ATP7A: variants seen among roughly 807,000 people sequenced by gnomAD.
ATP7A encodes the protein ATPase copper transporting alpha.
A neutral mutation model predicts 83.5 loss-of-function variants in ATP7A; 7 were observed. The ratio of observed to expected loss-of-function variants is 0.08; its 90% confidence interval spans 0.05 to 0.16. The LOEUF (loss-of-function observed/expected upper bound fraction) is 0.16, where lower values mean the gene tolerates loss of function less well. ATP7A is among the 10% of genes least tolerant of loss of function. ATP7A has a pLI of 1.00. For synonymous variants in ATP7A, 354 were observed against 395.2 expected, an observed-to-expected ratio of 0.90 and a Z score of 1.24; for missense variants, 940 against 1,120.8, an observed-to-expected ratio of 0.84 and a Z score of 2.30.
chrX:77,940,866 C>T (rs2077347582), intron 1 of ATP7A, among the ~76,000 whole-genome samples: 1 of 111,692 alleles, frequency 9.0e-6, no homozygotes, highest in Admixed American at 9.5e-5. Flanking sequence ...ATTGACAAAG[C>T]TTAAAAAGAA....
intron 1 of ATP7A, among the ~76,000 whole-genome samples, chrX:77,920,218 C>CT (rs2077205592): frequency 9.3e-6 from 1 of 107,191 alleles, no homozygotes; most frequent in African/African-American, 3.4e-5. Context: ...TATGAGTACC[C>CT]ATTTTTTTTT....
At position 78,029,454 on chromosome X, in the gene ATP7A, T is replaced by C. The variant is rs974038516; in HGVS notation, c.3111+10T>C. 1 of 1,198,995 alleles carries C rather than the reference T, an allele frequency of 8.3e-7. No individual in the cohort carries two copies. Among genetic ancestry groups the C allele is most frequent in the Non-Finnish European group, 1.1e-6 (1 of 885,708 alleles). ...GGAGATGGCTCATAAGGTAAGACAG[T>C]CCCCAGAACTAAAACCTGTACCACC... On this transcript the variant is annotated intron_variant, in intron 15 of 22. Coordinates refer to ENST00000341514, the MANE Select transcript of ATP7A (RefSeq NM_000052.7).
At chrX:77,933,958 A>T (rs933755596) in intron 1 of ATP7A, among the ~76,000 whole-genome samples, 5 of 112,364 alleles carry the variant, frequency 4.4e-5, no homozygotes, top group Admixed American at 3.8e-4. Flanking sequence ...TTAGCTGTTA[A>T]ACCACAGCAA....
chrX:78,042,815 G>A (rs782220243), intron 20 of ATP7A, 27 bp downstream of exon 20: 7 of 1,192,728 alleles, frequency 5.9e-6, no homozygotes, highest in African/African-American at 1.7e-5. Context: ...GACCTTTGAG[G>A]AGTATGAGAC....
At chrX:78,038,638 C>A (rs1490343929) in intron 17 of ATP7A, among the ~76,000 whole-genome samples, 198 bp from the exon 18 acceptor site, 1 of 111,413 alleles carries the variant, frequency 9.0e-6, no homozygotes, top group Non-Finnish European at 1.9e-5. Flanking sequence ...CAGATGAAGG[C>A]AGCAATGTGT....
At position 78,033,745 on chromosome X, in the gene ATP7A, A is replaced by G; in HGVS notation, c.3435A>G (p.Ala1145=). The part of the protein sequence containing the change: ...WNIEDNNIKN[A]SLVQIDASNE... ...TAGAGGACAATAATATTAAAAATGCATCCCTGGTTCAAATTGATGCCAGTA... is the reference window on the plus strand; with the variant it reads ...TAGAGGACAATAATATTAAAAATGCGTCCCTGGTTCAAATTGATGCCAGTA... The change falls in exon 17 of 23, where the codon GCA becomes GCG. Residue 1145 remains alanine, a synonymous_variant. Coordinates refer to ENST00000341514, the MANE Select transcript of ATP7A (RefSeq NM_000052.7). The G allele has an allele frequency of 1.7e-6, 2 of 1,210,845 alleles. No homozygotes were observed. Among genetic ancestry groups the G allele is most frequent in the South Asian group, 1.8e-5 (1 of 56,959 alleles).
chrX:78,010,186 C>G (rs2077808353), intron 7 of ATP7A, among the ~76,000 whole-genome samples: 1 of 112,309 alleles, frequency 8.9e-6, no homozygotes, highest in Admixed American at 9.5e-5. Context: ...AGCTTCAACC[C>G]TTAATTCCCA....
intron 1 of ATP7A, among the ~76,000 whole-genome samples, chrX:77,942,635 C>T (rs558792893): frequency 8.2e-5 from 9 of 109,948 alleles, no homozygotes; most frequent in African/African-American, 2.6e-4. Flanking sequence ...TTTGTAGAGA[C>T]GAGGGTCTCA....
At chrX:77,993,392 A>G (rs1417905702) in intron 4 of ATP7A, among the ~76,000 whole-genome samples, 1 of 112,111 alleles carries the variant, frequency 8.9e-6, no homozygotes, top group African/African-American at 3.2e-5. Flanking sequence ...CAGACCCAGT[A>G]AATCAAATTC....
chrX:77,973,636 G>GT, intron 2 of ATP7A, among the ~76,000 whole-genome samples: 1 of 111,927 alleles, frequency 8.9e-6, no homozygotes, highest in African/African-American at 3.2e-5. Flanking sequence ...TTTTAGTTGG[G>GT]TTTTTTGTTT....
rs782716555 is a variant in ATP7A at position 77,988,591 on chromosome X, C to T, written c.470C>T (p.Ser157Leu). 6 of 1,209,893 alleles carry T rather than the reference C, an allele frequency of 5.0e-6. No individual in the cohort carries two copies. In the East Asian group the frequency reaches 1.5e-4, roughly 30 times the overall value. Residue 157 changes from serine to leucine, a missense_variant, in exon 3 of 23, where the codon TCA becomes TTA. Around this residue, in one of 3 missense-constraint regions of ATP7A, gnomAD observed 350 missense variants for 432.8 expected, o/e 0.81. Transcript: ENST00000341514. ...SLDTGTLEKK[S>L]GACEDHSMAQ... Reference sequence around the variant, plus strand: ...GATACTGGGACACTGGAGAAAAAGTCAGGAGCTTGTGAAGATCATAGTATG... The same window carrying T: ...GATACTGGGACACTGGAGAAAAAGTTAGGAGCTTGTGAAGATCATAGTATG...
At chrX:77,969,127 A>G in intron 1 of ATP7A, 1 of 1,210,905 alleles carries the variant, frequency 8.3e-7, no homozygotes, top group Non-Finnish European at 1.1e-6. Context: ...CTGGGGAACT[A>G]TTTCTTCATT....
intron 1 of ATP7A, among the ~76,000 whole-genome samples, chrX:77,962,296 A>G (rs1463241708): frequency 9.0e-6 from 1 of 111,518 alleles, no homozygotes; most frequent in Admixed American, 9.6e-5. Flanking sequence ...AGGCCAAGTA[A>G]ATGATTTTGT....
Position 78,046,717 on chromosome X carries a change from A to G in ATP7A, c.*147A>G, listed in dbSNP as rs957661938. The G allele has an allele frequency of 3.2e-5, 25 of 785,902 alleles. No homozygotes were observed. In the African/African-American group the frequency reaches 4.7e-4, roughly 15 times the overall value. The allele number at this position is 785,902 out of a possible 1,213,427, so 64.8% of individuals were successfully genotyped here. On this transcript the variant is annotated 3_prime_UTR_variant, in exon 23 of 23. Transcript: ENST00000341514. ...ATTTGAGTTGCGTTTATCTGTTGGC[A>G]AAAATATCTTTTTCAAGGCATCAGC...
intron 1 of ATP7A, among the ~76,000 whole-genome samples, chrX:77,965,889 AAG>A (rs1240765816): frequency 1.8e-5 from 2 of 112,383 alleles, no homozygotes; most frequent in African/African-American, 6.5e-5. Flanking sequence ...TCAGTCACAA[AAG>A]ACCACATATT....
chrX:78,044,644 T>A (rs1383305455), intron 21 of ATP7A, among the ~76,000 whole-genome samples: 13 of 111,755 alleles, frequency 1.2e-4, no homozygotes, highest in Non-Finnish European at 2.3e-4. Flanking sequence ...CAGCTGGTAT[T>A]TTTTTTAGGT....
intron 2 of ATP7A, among the ~76,000 whole-genome samples, chrX:77,986,906 C>G (rs2077640487): frequency 8.9e-6 from 1 of 111,825 alleles, no homozygotes; most frequent in Non-Finnish European, 1.9e-5. Context: ...CTTAACTTTT[C>G]CATGGCTTCC....
chrX:77,922,008 T>C (rs1557223156), intron 1 of ATP7A, among the ~76,000 whole-genome samples: 1 of 111,091 alleles, frequency 9.0e-6, no homozygotes, highest in African/African-American at 3.3e-5. Flanking sequence ...TTGCTCAGGC[T>C]GATCTTGAAC....
chrX:78,044,346 A>G (rs1240471230), intron 21 of ATP7A, among the ~76,000 whole-genome samples: 10 of 110,713 alleles, frequency 9.0e-5, no homozygotes, highest in African/African-American at 3.0e-4. Flanking sequence ...AAACTCACCA[A>G]CTGATGGTAT....
Sources: gnomAD v4.1 joint callset for allele counts (sites outside exome capture counted in the v4.1 genomes callset) on GRCh38, gnomAD v4.1.1 for gene constraint, gnomAD v4.1.1 regional missense constraint, MANE v1.5 for transcripts, NCBI Gene and HGNC (gene_info 2026-07-23, HGNC 2026-07-21) for gene names.